The following RELN variants were observed in gnomAD, a reference collection of about 807,000 sequenced individuals.
RELN encodes reelin.
Under a neutral mutation model 427.6 loss-of-function variants are expected in RELN, and 108 were observed. That is an observed-to-expected ratio of 0.25 (90% CI 0.22 to 0.30). RELN has a LOEUF of 0.30. Among genes scored for constraint, RELN ranks in the 10% least tolerant of loss-of-function variants. The probability of loss-of-function intolerance (pLI) is 1.00; values close to 1 mark genes in which losing one functional copy is unlikely to be tolerated. For missense variants in RELN, 3,715 were observed against 4,302.8 expected, an observed-to-expected ratio of 0.86 and a Z score of 3.82; for synonymous variants, 1,524 against 1,513.4, an observed-to-expected ratio of 1.01 and a Z score of -0.16.
intron 4 of RELN, among the ~76,000 whole-genome samples, chr7:103,763,167 C>A (rs1791344567): frequency 6.6e-6 from 1 of 152,142 alleles, no homozygotes. Context: ...TTTTGTTAGG[C>A]TACTCCTAGT....
intron 3 of RELN, among the ~76,000 whole-genome samples, chr7:103,802,206 T>G (rs1283337749): frequency 6.6e-6 from 1 of 152,144 alleles, no homozygotes; most frequent in Admixed American, 6.6e-5. Context: ...AACAATCTTA[T>G]AGCCCTCAAA....
intron 1 of RELN, among the ~76,000 whole-genome samples, chr7:103,939,827 AC>A (rs976887481): frequency 1.3e-5 from 2 of 152,196 alleles, no homozygotes; most frequent in Non-Finnish European, 2.9e-5. Context: ...TGTGAGAGAT[AC>A]ATACTAATGT....
At chr7:103,886,898 G>A (rs904459092) in intron 2 of RELN, among the ~76,000 whole-genome samples, 2 of 152,152 alleles carry the variant, frequency 1.3e-5, no homozygotes, top group Admixed American at 1.3e-4. Flanking sequence ...AAGTGGACAG[G>A]AGGAAATTAA....
At chr7:103,646,742 G>A (rs1832805015) in intron 16 of RELN, among the ~76,000 whole-genome samples, 1 of 151,760 alleles carries the variant, frequency 6.6e-6, no homozygotes, top group African/African-American at 2.4e-5. Flanking sequence ...CAAAAACTGA[G>A]GAGGGAATCC....
In RELN at chr7:103,673,479, T is replaced by C. The variant is rs555822204; in HGVS notation, c.1289+8637A>G. On this transcript the variant is annotated intron_variant, in intron 11 of 64. Transcript: ENST00000428762. ...CTTCTGCGTTTTAATTCCAAGTTTT[T>C]ATTAAAGTTTTCAAATAATCCATAC... Among the ~76,000 whole-genome samples, 131 of 152,280 alleles carry C rather than the reference T, an allele frequency of 8.6e-4. 2 individuals are homozygous for C. Among genetic ancestry groups the C allele is most frequent in the South Asian group, 7.1e-3 (34 of 4,820 alleles).
At chr7:103,731,155 C>G (rs894046684) in intron 6 of RELN, among the ~76,000 whole-genome samples, 5 of 152,078 alleles carry the variant, frequency 3.3e-5, no homozygotes, top group African/African-American at 1.2e-4. Flanking sequence ...GCGATGGTAC[C>G]TAATGCAGAG....
intron 24 of RELN, among the ~76,000 whole-genome samples, chr7:103,600,607 C>T (rs1008611853): frequency 2.0e-5 from 3 of 152,138 alleles, no homozygotes; most frequent in Admixed American, 6.5e-5. Flanking sequence ...CTTGTGTTTT[C>T]CCTCCCATAA....
intron 1 of RELN, among the ~76,000 whole-genome samples, chr7:103,929,390 T>G (rs948339673): frequency 3.3e-5 from 5 of 152,178 alleles, no homozygotes; most frequent in African/African-American, 1.2e-4. Flanking sequence ...GTGAATAACC[T>G]TCTTTCGAAT....
At chr7:103,856,324 TC>T (rs1228999635) in intron 2 of RELN, among the ~76,000 whole-genome samples, 1 of 151,856 alleles carries the variant, frequency 6.6e-6, no homozygotes, top group Non-Finnish European at 1.5e-5. Flanking sequence ...ACACCTGTAA[TC>T]CCAGCACTTT....
chr7:103,596,145 T>C (rs769875161), intron 25 of RELN, among the ~76,000 whole-genome samples: 32 of 152,198 alleles, frequency 2.1e-4, no homozygotes, highest in Admixed American at 5.9e-4. Context: ...CAAACAAGCC[T>C]GCAAATGGGA....
In RELN at chr7:103,980,328, C is replaced by T. The variant is rs371027303; in HGVS notation, c.226+8803G>A. 5.9e-5 allele frequency among the ~76,000 whole-genome samples: 9 copies of T among 152,032 alleles called. No homozygotes were observed. In the East Asian group the frequency reaches 1.2e-3, roughly 20 times the overall value. On this transcript the variant is annotated intron_variant, in intron 1 of 64. Transcript: ENST00000428762. Reference sequence around the variant, plus strand: ...TACTAGGTGATTGCTTTGTGCTTTACCTGGGAGACAATGTCTGGTCAAAGA... The same window carrying T: ...TACTAGGTGATTGCTTTGTGCTTTATCTGGGAGACAATGTCTGGTCAAAGA...
chr7:103,662,823 C>T (rs559223664), intron 11 of RELN, among the ~76,000 whole-genome samples: 56 of 152,216 alleles, frequency 3.7e-4, no homozygotes, highest in South Asian at 1.5e-3. Context: ...AAACTGCATA[C>T]ATGATTACAT....
At chr7:103,503,342 C>T (rs1368024498) in intron 51 of RELN, 112 bp from the exon 52 acceptor site, 2 of 838,774 alleles carry the variant, frequency 2.4e-6, no homozygotes, top group Non-Finnish European at 2.0e-6. Flanking sequence ...GTACCACATC[C>T]ATCCTGTATT....
Position 103,873,583 on chromosome 7 carries a change from C to T in RELN, c.338-39911G>A, listed in dbSNP as rs1285062993. On this transcript the variant is annotated intron_variant, in intron 2 of 64. Coordinates refer to ENST00000428762, the MANE Select transcript of RELN (RefSeq NM_005045.4). ...TCAGAGAATACTACAAACACCTCTA[C>T]GCAAATAAACTAGAAAATCTAGAAG... 8.2e-4 allele frequency among the ~76,000 whole-genome samples: 43 copies of T among 52,196 alleles called. 2 individuals carry two copies. The Middle Eastern group carries it at 0.021, about 26-fold the overall frequency. The allele number at this position is 52,196 out of a possible 152,430, so 34.2% of individuals were successfully genotyped here.
Position 103,594,416 on chromosome 7 carries a change from C to T in RELN, c.3616G>A (p.Gly1206Arg). The change falls in exon 26 of 65, where the codon GGG (glycine) becomes AGG (arginine). Residue 1206 changes from glycine to arginine, a missense_variant. Transcript: ENST00000428762. The part of the protein sequence containing the change: ...RFRWWQPVFS[G>R]EDYDQWAVDD... ...ACTGCCCACTGGTCATAGTCCTCCC[C>T]TGAGAACACGGGCTGCCACCAGCGG... 1.2e-6 allele frequency: 2 copies of T among 1,614,056 alleles called. No individual in the cohort carries two copies. Among genetic ancestry groups the T allele is most frequent in the Non-Finnish European group, 8.5e-7 (1 of 1,179,930 alleles).
intron 1 of RELN, among the ~76,000 whole-genome samples, chr7:103,948,345 T>A (rs1301871759): frequency 1.3e-5 from 2 of 152,186 alleles, no homozygotes; most frequent in Non-Finnish European, 2.9e-5. Context: ...TCTATTTTTT[T>A]AATTTCCTTC....
intron 1 of RELN, among the ~76,000 whole-genome samples, chr7:103,954,069 GCA>G (rs1796385096): frequency 6.6e-6 from 1 of 151,886 alleles, no homozygotes; most frequent in East Asian, 1.9e-4. Flanking sequence ...GGCCAACAGA[GCA>G]AAACCCTGTC....
intron 1 of RELN, among the ~76,000 whole-genome samples, chr7:103,936,847 C>A (rs970268771): frequency 1.3e-5 from 2 of 152,132 alleles, no homozygotes; most frequent in Non-Finnish European, 2.9e-5. Flanking sequence ...TGTGTTCACT[C>A]AGTTTACAAC....
chr7:103,587,764 G>C (rs931554686), intron 28 of RELN, among the ~76,000 whole-genome samples: 1 of 151,974 alleles, frequency 6.6e-6, no homozygotes. Flanking sequence ...AATGTGAAAA[G>C]GTATATGAAA....
Sources: allele counts gnomAD v4.1 joint callset (sites outside exome capture counted in the v4.1 genomes callset), GRCh38; gene constraint gnomAD v4.1.1; transcripts MANE v1.5; gene names NCBI Gene and HGNC (gene_info 2026-07-23, HGNC 2026-07-21).